The following HLA-DQB2 variants were observed in gnomAD, a reference collection of about 807,000 sequenced individuals.
HLA-DQB2 encodes major histocompatibility complex, class II, DQ beta 2.
A neutral mutation model predicts 29.2 loss-of-function variants in HLA-DQB2; 24 were observed. The observed-to-expected ratio is 0.82, with a 90% confidence interval of 0.60 to 1.16. The LOEUF (loss-of-function observed/expected upper bound fraction) is 1.16. Ranked by LOEUF, HLA-DQB2 falls within the 50% of genes most tolerant of loss-of-function variation. The probability of loss-of-function intolerance (pLI) is 0.00; values close to 1 mark genes in which losing one functional copy is unlikely to be tolerated. For missense variants in HLA-DQB2, 273 were observed against 343.6 expected (o/e 0.79, Z 1.62); for synonymous variants, 104 against 133.1 (o/e 0.78, Z 1.51).
In HLA-DQB2 at chr6:32,758,853, A is replaced by T. The variant is rs752035840; in HGVS notation, c.643T>A (p.Trp215Arg). 6.2e-7 allele frequency: 1 copy of T among 1,612,772 alleles called. No individual in the cohort carries two copies. The highest frequency in any genetic ancestry group is 1.7e-5 in the Admixed American group (1 of 59,988). ...PSLQSPITVE[W>R]RAQSESAQSK... ...AAGGAAACCAGTTTCCCCTTACGCC[A>T]CTCCACGGTGATGGGGCTCTGGAGG... The change falls in exon 3 of 6, where the codon TGG becomes AGG. Residue 215 changes from tryptophan to arginine, a missense_variant. Transcript: ENST00000437316.
In HLA-DQB2 at chr6:32,759,228, G is replaced by A. The variant is rs1043366621; in HGVS notation, c.365-97C>T. 4 of 1,411,660 alleles carry A rather than the reference G, an allele frequency of 2.8e-6. No homozygotes were observed. The African/African-American group carries it at 5.8e-5, about 20-fold the overall frequency. The allele number at this position is 1,411,660 out of a possible 1,614,324, so 87.4% of individuals were successfully genotyped here. A position where few individuals can be genotyped will look rare whatever the true frequency, so the allele number is the denominator to read the frequency against. The stretch of plus-strand genomic sequence containing the variant: ...AAGGTCCCTCCTTGGAACCAGAATA[G>A]AAAGATACCTGGAGTCCAAGTCTTG... On this transcript the variant is annotated intron_variant, in intron 2 of 5. Transcript: ENST00000437316.
chr6:32,760,959 T>C (rs35565887), intron 2 of HLA-DQB2, among the ~76,000 whole-genome samples: 22,538 of 135,276 alleles, frequency 0.17, no homozygotes, highest in East Asian at 0.28. Flanking sequence ...GGCAGCTGAG[T>C]ACATTTATTC....
At chr6:32,756,739 C>A in intron 5 of HLA-DQB2, 1 of 1,298,968 alleles carries the variant, frequency 7.7e-7, no homozygotes, top group Non-Finnish European at 9.7e-7. Flanking sequence ...GGTGACACTT[C>A]ATCTCCACCA....
intron 2 of HLA-DQB2, among the ~76,000 whole-genome samples, 187 bp downstream of exon 2, chr6:32,761,473 T>A (rs1764800918): frequency 6.6e-6 from 1 of 151,072 alleles, no homozygotes; most frequent in African/African-American, 2.4e-5. Flanking sequence ...CTTTTGTGCA[T>A]CCCCCTGCTC....
intron 1 of HLA-DQB2, among the ~76,000 whole-genome samples, chr6:32,762,514 T>C (rs1764943247): frequency 7.5e-6 from 1 of 132,950 alleles, no homozygotes; most frequent in Admixed American, 7.5e-5. Context: ...AGAAAGGACC[T>C]ACACCTCCGG....
chr6:32,760,587 C>T (rs1442989189), intron 2 of HLA-DQB2, among the ~76,000 whole-genome samples: 1 of 152,196 alleles, frequency 6.6e-6, no homozygotes, highest in Non-Finnish European at 1.5e-5. Context: ...AATTGACGTT[C>T]AGAATGTTTA....
At chr6:32,758,702 T>C (rs1288252010) in intron 3 of HLA-DQB2, 148 bp downstream of exon 3, 11 of 864,408 alleles carry the variant, frequency 1.3e-5, no homozygotes, top group Non-Finnish European at 1.7e-5. Flanking sequence ...TCTGATGTGC[T>C]TGCCATGGGG....
intron 2 of HLA-DQB2, among the ~76,000 whole-genome samples, chr6:32,760,611 T>C (rs374243119): frequency 6.6e-6 from 1 of 152,148 alleles, no homozygotes. Context: ...CTGAAGTGGA[T>C]AGTGATGGGG....
intron 2 of HLA-DQB2, 101 bp downstream of exon 2, chr6:32,761,559 C>G: frequency 7.5e-7 from 1 of 1,328,866 alleles, no homozygotes; most frequent in South Asian, 1.4e-5. Flanking sequence ...TGGGATGGAT[C>G]AGGGCTCGGT....
intron 5 of HLA-DQB2, chr6:32,756,814 T>A (rs935642697): frequency 8.3e-7 from 1 of 1,206,424 alleles, no homozygotes; most frequent in Admixed American, 4.0e-5. Flanking sequence ...TGGCACAAAG[T>A]GGGCATCACC....
intron 1 of HLA-DQB2, 142 bp from the exon 2 acceptor site, chr6:32,762,068 C>A: frequency 8.6e-7 from 1 of 1,168,116 alleles, no homozygotes. Flanking sequence ...CTTGGCTGGG[C>A]CCGTGCCTCG....
intron 2 of HLA-DQB2, among the ~76,000 whole-genome samples, chr6:32,759,542 A>G (rs1475544425): frequency 6.8e-6 from 1 of 147,810 alleles, no homozygotes; most frequent in Non-Finnish European, 1.5e-5. Flanking sequence ...ATACATCTTA[A>G]CCTTTACCTC....
chr6:32,758,708 T>C (rs1438215925), intron 3 of HLA-DQB2, 142 bp downstream of exon 3: 3 of 926,470 alleles, frequency 3.2e-6, no homozygotes, highest in Non-Finnish European at 4.8e-6. Context: ...GTGCTTGCCA[T>C]GGGGCAACAG....
Position 32,757,805 on chromosome 6 carries a change from A to G in HLA-DQB2, c.725T>C (p.Leu242Pro), listed in dbSNP as rs952567821. 2 of 1,613,624 alleles carry G rather than the reference A, an allele frequency of 1.2e-6. No individual in the cohort carries two copies. Among genetic ancestry groups the G allele is most frequent in the Admixed American group, 1.7e-5 (1 of 60,000 alleles). Residue 242 changes from leucine to proline, a missense_variant, in exon 4 of 6, where the codon CTG (leucine) becomes CCG (proline). Coordinates refer to ENST00000437316, the MANE Select transcript of HLA-DQB2 (RefSeq NM_001300790.2). ...ACCCCTGTGACGGATGATAAGGCCC[A>G]GCCCGAGGAAGATCAGCCCCAGCAC... is the stretch of plus-strand genomic sequence containing the variant. ...GFVLGLIFLG[L>P]GLIIRHRGQK... is the part of the protein sequence containing the mutation.
rs535355199 is a variant in HLA-DQB2, at chr6:32,760,665, A to G, written c.364+995T>C. Among the ~76,000 whole-genome samples, 5 of 152,358 alleles carry G rather than the reference A, an allele frequency of 3.3e-5. No individual in the cohort carries two copies. In the South Asian group the frequency reaches 1.0e-3, roughly 32 times the overall value. On this transcript the variant is annotated intron_variant, in intron 2 of 5. Transcript: ENST00000437316. ...CCAAAAGCAACCTGAAACTATTTTT[A>G]TTCAATAATTTAGTGGCTTCAATCT...
intron 4 of HLA-DQB2, 108 bp downstream of exon 4, chr6:32,757,665 C>CCTCCAGCTCAGCT: frequency 9.7e-7 from 1 of 1,026,988 alleles, no homozygotes; most frequent in Non-Finnish European, 1.4e-6. Context: ...TCTCCTCGCA[C>CCTCCAGCTCAGCT]TTCCTCTCAG....
intron 5 of HLA-DQB2, 167 bp downstream of exon 5, chr6:32,757,114 G>C: frequency 1.4e-6 from 2 of 1,440,768 alleles, no homozygotes; most frequent in Admixed American, 4.3e-5. Flanking sequence ...CTGCCTCCTG[G>C]GTTCAAGTGA....
rs759100922 is a variant in HLA-DQB2, at chr6:32,759,065, C to T, written c.431G>A (p.Cys144Tyr). Residue 144 changes from cysteine to tyrosine, a missense_variant, in exon 3 of 6, where the codon TGC becomes TAC. Cys to Tyr is a radical substitution (Grantham distance 194). Transcript: ENST00000437316. ...EALNHHNLLV[C>Y]SVTDFYPAQI... ...GGCTGGATAGAAATCTGTCACCGAG[C>T]AGACCAGCAGGTTGTGGTGGTTGAG... 27 of 1,613,908 alleles carry T rather than the reference C, an allele frequency of 1.7e-5. 1 individual carries two copies. The Admixed American group carries it at 4.0e-4, about 24-fold the overall frequency.
intron 5 of HLA-DQB2, 164 bp from the exon 6 acceptor site, chr6:32,756,630 G>C: frequency 1.4e-6 from 2 of 1,417,522 alleles, no homozygotes; most frequent in Non-Finnish European, 1.8e-6. Context: ...ATCAGCTCAT[G>C]AGGACACAGA....
Sources: allele counts gnomAD v4.1 joint callset (sites outside exome capture counted in the v4.1 genomes callset), GRCh38; gene constraint gnomAD v4.1.1; transcripts MANE v1.5; gene names NCBI Gene and HGNC (gene_info 2026-07-23, HGNC 2026-07-21).